CKAP5: variants seen among roughly 807,000 people sequenced by gnomAD.
The protein encoded by CKAP5 is cytoskeleton associated protein 5.
CKAP5 carries 27 observed loss-of-function variants against 232.8 expected under a neutral mutation model. That is an observed-to-expected ratio of 0.12 (90% CI 0.09 to 0.16). The LOEUF (loss-of-function observed/expected upper bound fraction) is 0.16. Ranked by LOEUF, CKAP5 falls within the 10% of genes least tolerant of loss-of-function variation. The pLI is 1.00. For synonymous variants in CKAP5, 785 were observed against 841.1 expected, an observed-to-expected ratio of 0.93 and a Z score of 1.16; for missense variants, 1,838 against 2,424.7, an observed-to-expected ratio of 0.76 and a Z score of 5.08.
Position 46,758,718 on chromosome 11 carries a change from A to G in CKAP5, c.4689+205T>C. The G allele has an allele frequency of 6.9e-6, 3 of 436,856 alleles. No homozygotes were observed. In the South Asian group the frequency reaches 1.2e-4, roughly 17 times the overall value. 27.1% of individuals were successfully genotyped at this position (436,856 alleles called of 1,614,324 possible). A position where few individuals can be genotyped will look rare whatever the true frequency, so the allele number is the denominator to read the frequency against. ...TGAGACCTGGTCTCAAAAGAGGAAA[A>G]AAAAAAAAAAAAATAAGGCTCTATT... On this transcript the variant is annotated intron_variant, in intron 35 of 43. Transcript: ENST00000529230.
chr11:46,786,822 CACAA>C (rs1209995643), intron 16 of CKAP5, among the ~76,000 whole-genome samples: 1 of 152,140 alleles, frequency 6.6e-6, no homozygotes, highest in Middle Eastern at 3.2e-3. Flanking sequence ...CGCACACACA[CACAA>C]ACATACACAC....
intron 20 of CKAP5, 148 bp downstream of exon 20, chr11:46,780,046 C>T (rs192337152): frequency 5.1e-5 from 41 of 804,106 alleles, no homozygotes; most frequent in Non-Finnish European, 7.6e-5. Flanking sequence ...TAGCACACTA[C>T]AGCCCAAAAC....
intron 1 of CKAP5, among the ~76,000 whole-genome samples, chr11:46,823,931 T>C (rs1939598282): frequency 6.6e-6 from 1 of 152,210 alleles, no homozygotes; most frequent in African/African-American, 2.4e-5. Flanking sequence ...TCAATAAATA[T>C]TTGTTTATTG....
intron 11 of CKAP5, among the ~76,000 whole-genome samples, 172 bp downstream of exon 11, chr11:46,797,633 A>C (rs1938910644): frequency 6.6e-6 from 1 of 152,214 alleles, no homozygotes; most frequent in South Asian, 2.1e-4. Context: ...CTTTCTTTCA[A>C]GAAGAGGAAC....
At chr11:46,805,691 T>A (rs1209768038) in intron 8 of CKAP5, among the ~76,000 whole-genome samples, 1 of 152,228 alleles carries the variant, frequency 6.6e-6, no homozygotes, top group East Asian at 1.9e-4. Flanking sequence ...ATCCCAGCAC[T>A]TTGGGAGGCC....
At chr11:46,789,794 T>A (rs1288346739) in intron 15 of CKAP5, among the ~76,000 whole-genome samples, 1 of 151,892 alleles carries the variant, frequency 6.6e-6, no homozygotes, top group Non-Finnish European at 1.5e-5. Context: ...AGATTCCGTC[T>A]CAAAAAATAA....
At chr11:46,841,267 C>CA (rs763747323) in intron 1 of CKAP5, among the ~76,000 whole-genome samples, 3,890 of 105,404 alleles carry the variant, frequency 0.037, 121 homozygotes, top group African/African-American at 0.11. Flanking sequence ...AATTCTGTCT[C>CA]AAAAAAAAAA....
chr11:46,815,921 C>T (rs1388421099), intron 4 of CKAP5, among the ~76,000 whole-genome samples: 1 of 152,168 alleles, frequency 6.6e-6, no homozygotes, highest in East Asian at 1.9e-4. Context: ...AGGTGAACAG[C>T]TACCAAGCGA....
chr11:46,805,092 G>A (rs1023834281), intron 8 of CKAP5, among the ~76,000 whole-genome samples: 6 of 151,520 alleles, frequency 4.0e-5, no homozygotes, highest in East Asian at 1.9e-4. Flanking sequence ...AAAATTAGCC[G>A]GGCATGGTGG....
At chr11:46,758,714 GAAA>G (rs5791737) in intron 35 of CKAP5, 3,525 of 336,964 alleles carry the variant, frequency 0.01, no homozygotes, top group South Asian at 0.013. Flanking sequence ...CTCAAAAGAG[GAAA>G]AAAAAAAAAA....
chr11:46,797,074 G>A lies in CKAP5; in HGVS notation c.1339-134C>T, dbSNP rs1473405015. 1.1e-5 allele frequency: 11 copies of A among 972,816 alleles called. No individual in the cohort carries two copies. The Admixed American group carries it at 2.1e-4, about 18-fold the overall frequency. 60.3% of individuals were successfully genotyped at this position (972,816 alleles called of 1,614,324 possible). A position where few individuals can be genotyped will look rare whatever the true frequency, so the allele number is the denominator to read the frequency against. ...ACTGGAACTAAGTATAGCTTTCCTT[G>A]TGCCAATTGACAGTTACTCTTTCAA... On this transcript the variant is annotated intron_variant, in intron 11 of 43. Coordinates refer to ENST00000529230, the MANE Select transcript of CKAP5 (RefSeq NM_001008938.4).
chr11:46,835,787 G>A (rs1342607504), intron 1 of CKAP5, among the ~76,000 whole-genome samples: 1 of 152,130 alleles, frequency 6.6e-6, no homozygotes, highest in Non-Finnish European at 1.5e-5. Context: ...CTTTGGGGGT[G>A]GGCTAGACCT....
Position 46,770,022 on chromosome 11 carries a change from G to A in CKAP5, c.3263C>T (p.Thr1088Ile). The change falls in exon 26 of 44, where the codon ACT (threonine) becomes ATT (isoleucine). Residue 1088 changes from threonine to isoleucine, a missense_variant. Transcript: ENST00000529230. ...TCCCATTGGTTTAGAAGTTGCTTTA[G>A]TGGGTGGAGCAGGCTTGGCTGGCAT... ...VNMPAKPAPP[T>I]KATSKPMGGS... The A allele has an allele frequency of 6.2e-7, 1 of 1,614,144 alleles. No individual in the cohort carries two copies. Among genetic ancestry groups the A allele is most frequent in the Non-Finnish European group, 8.5e-7 (1 of 1,179,994 alleles).
At chr11:46,814,100 C>G (rs1939339782) in intron 4 of CKAP5, among the ~76,000 whole-genome samples, 1 of 141,966 alleles carries the variant, frequency 7.0e-6, no homozygotes, top group Non-Finnish European at 1.5e-5. Flanking sequence ...CCACTGCACT[C>G]CAGTCTGGGT....
chr11:46,775,375 G>A (rs1410379965), intron 24 of CKAP5, among the ~76,000 whole-genome samples: 1 of 152,160 alleles, frequency 6.6e-6, no homozygotes, highest in African/African-American at 2.4e-5. Context: ...ACTGTTGGCT[G>A]GAGTGTAAAT....
At chr11:46,829,568 T>C (rs1429165617) in intron 1 of CKAP5, among the ~76,000 whole-genome samples, 2 of 152,170 alleles carry the variant, frequency 1.3e-5, no homozygotes, top group African/African-American at 4.8e-5. Context: ...CATTTTCTTT[T>C]CTCTAGCTTA....
intron 1 of CKAP5, among the ~76,000 whole-genome samples, chr11:46,840,375 G>C (rs1940023843): frequency 6.6e-6 from 1 of 152,108 alleles, no homozygotes; most frequent in African/African-American, 2.4e-5. Context: ...CTAGAACAAT[G>C]TGTGACAGAC....
intron 20 of CKAP5, 40 bp from the exon 21 acceptor site, chr11:46,778,639 T>G: frequency 6.3e-7 from 1 of 1,582,898 alleles, no homozygotes. Flanking sequence ...GAAATTTATA[T>G]AGGATATGGG....
At chr11:46,768,116 A>G (rs1240142483) in intron 26 of CKAP5, among the ~76,000 whole-genome samples, 1 of 151,712 alleles carries the variant, frequency 6.6e-6, no homozygotes, top group Non-Finnish European at 1.5e-5. Flanking sequence ...TTTCCTAATA[A>G]TTTTTCTCCC....
Sources: allele counts gnomAD v4.1 joint callset (sites outside exome capture counted in the v4.1 genomes callset), GRCh38; gene constraint gnomAD v4.1.1; transcripts MANE v1.5; gene names NCBI Gene and HGNC (gene_info 2026-07-23, HGNC 2026-07-21).